Variants in ROBO2 observed in about 807,000 individuals in gnomAD.
The protein encoded by ROBO2 is roundabout guidance receptor 2, also known as roundabout homolog 2.
In ROBO2, 53 loss-of-function variants were observed where a neutral mutation model predicts 160.8. That is an observed-to-expected ratio of 0.33 (90% CI 0.26 to 0.41). The LOEUF (loss-of-function observed/expected upper bound fraction) is 0.41, where lower values mean the gene tolerates loss of function less well. Ranked by LOEUF, ROBO2 falls within the 10% of genes least tolerant of loss-of-function variation. The probability of loss-of-function intolerance (pLI) is 1.00; values close to 1 mark genes in which losing one functional copy is unlikely to be tolerated. For synonymous variants in ROBO2, 664 were observed against 611.7 expected (o/e 1.09, Z -1.26); for missense variants, 1,577 against 1,722.4 (o/e 0.92, Z 1.49).
rs192975820 is a variant in ROBO2, at chr3:77,034,256, T to G, written c.110-63758T>G. Among the ~76,000 whole-genome samples the G allele has an allele frequency of 4.7e-3, 718 of 151,892 alleles. 1 individual carries two copies. The highest frequency in any genetic ancestry group is 0.01 in the Middle Eastern group (3 of 294). On this transcript the variant is annotated intron_variant, in intron 2 of 26. Coordinates refer to the ROBO2 transcript ENST00000487694. ...TTGGGCCAGGGAGATTTTTTTCATT[T>G]ATTTCACTTTGTCACTTACGGATGA... is the stretch of plus-strand genomic sequence containing the variant.
At chr3:77,430,688 G>A (rs1243842812) in intron 2 of ROBO2, among the ~76,000 whole-genome samples, 1 of 152,042 alleles carries the variant, frequency 6.6e-6, no homozygotes, top group Non-Finnish European at 1.5e-5. Context: ...GGGGAACCAT[G>A]CCCTCACCAG....
chr3:77,558,705 A>G (rs1317277079), intron 9 of ROBO2, among the ~76,000 whole-genome samples: 4 of 152,088 alleles, frequency 2.6e-5, no homozygotes, highest in Non-Finnish European at 4.4e-5. Context: ...CGTTTACATG[A>G]TAAAAAATGA....
chr3:77,518,246 A>G (rs2090226931), intron 5 of ROBO2, among the ~76,000 whole-genome samples: 1 of 151,514 alleles, frequency 6.6e-6, no homozygotes, highest in Non-Finnish European at 1.5e-5. Context: ...TGCAGACAGG[A>G]TTCAAGTGTT....
chr3:77,416,199 T>C lies in ROBO2; in HGVS notation c.389-61215T>C, dbSNP rs1011678703. ...GAGGGCCCGAAAGTGGGTATCCCAA[T>C]GTGTGCCTGAGTCTGGGGTTTTTAT... is the stretch of plus-strand genomic sequence containing the variant. On this transcript the variant is annotated intron_variant, in intron 2 of 25. Transcript: ENST00000461745. Among the ~76,000 whole-genome samples, 4 of 152,146 alleles carry C rather than the reference T, an allele frequency of 2.6e-5. No individual in the cohort carries two copies. The East Asian group carries it at 7.7e-4, about 29-fold the overall frequency.
chr3:76,364,535 T>C (rs1320593041), intron 2 of ROBO2, among the ~76,000 whole-genome samples: 1 of 152,060 alleles, frequency 6.6e-6, no homozygotes, highest in Admixed American at 6.6e-5. Context: ...AATCCTTTCT[T>C]CATCTCACAT....
chr3:77,373,309 G>A (rs2072093718), intron 2 of ROBO2, among the ~76,000 whole-genome samples: 1 of 151,130 alleles, frequency 6.6e-6, no homozygotes, highest in Non-Finnish European at 1.5e-5. Flanking sequence ...TTTTCTCGTG[G>A]TATTCCATTT....
chr3:77,307,211 G>C (rs1029580452), intron 2 of ROBO2, among the ~76,000 whole-genome samples: 3 of 152,174 alleles, frequency 2.0e-5, no homozygotes, highest in African/African-American at 7.2e-5. Flanking sequence ...GTATGAAAAA[G>C]ATAGGGAGGT....
chr3:77,183,764 T>G (rs2081024120), intron 2 of ROBO2, among the ~76,000 whole-genome samples: 2 of 152,066 alleles, frequency 1.3e-5, no homozygotes, highest in Non-Finnish European at 1.5e-5. Context: ...CAACTGGAGT[T>G]TCTTAATCAC....
chr3:77,148,905 A>G (rs1384441195), intron 2 of ROBO2, among the ~76,000 whole-genome samples: 1 of 152,240 alleles, frequency 6.6e-6, no homozygotes, highest in Non-Finnish European at 1.5e-5. Context: ...AGATTTTTAA[A>G]AGAATGTTTG....
intron 2 of ROBO2, among the ~76,000 whole-genome samples, chr3:76,922,413 G>A (rs1162532421): frequency 6.6e-6 from 1 of 152,214 alleles, no homozygotes; most frequent in African/African-American, 2.4e-5. Context: ...AAGGCTTCGA[G>A]AGCATGAGGA....
intron 2 of ROBO2, among the ~76,000 whole-genome samples, chr3:77,413,120 C>T (rs561427911): frequency 3.3e-5 from 5 of 151,800 alleles, no homozygotes; most frequent in Admixed American, 1.3e-4. Flanking sequence ...CCTGGGGATT[C>T]TGAAAGGAAC....
At chr3:76,998,478 A>C (rs1374366718) in intron 2 of ROBO2, among the ~76,000 whole-genome samples, 1 of 152,156 alleles carries the variant, frequency 6.6e-6, no homozygotes, top group Admixed American at 6.5e-5. Flanking sequence ...ATTTCAAGAA[A>C]CTTCCACATA....
chr3:76,249,445 A>G (rs761112156), intron 2 of ROBO2, among the ~76,000 whole-genome samples: 1 of 151,086 alleles, frequency 6.6e-6, no homozygotes, highest in Non-Finnish European at 1.5e-5. Context: ...TAACTCAACT[A>G]TTTACCCAGG....
At chr3:76,067,664 C>T (rs974734761) in intron 2 of ROBO2, among the ~76,000 whole-genome samples, 7 of 152,066 alleles carry the variant, frequency 4.6e-5, no homozygotes, top group Non-Finnish European at 7.4e-5. Context: ...CTTCCAATTA[C>T]GAAGTAGGAA....
chr3:77,316,739 G>T, intron 2 of ROBO2: 1 of 933,896 alleles, frequency 1.1e-6, no homozygotes, highest in Non-Finnish European at 1.8e-6. Context: ...TTAAACAATT[G>T]TATGGTATTC....
intron 2 of ROBO2, among the ~76,000 whole-genome samples, chr3:77,328,826 T>A (rs971727762): frequency 6.6e-6 from 1 of 152,208 alleles, no homozygotes; most frequent in African/African-American, 2.4e-5. Context: ...TATCCCCACA[T>A]TCTCCAAAAA....
At chr3:76,662,881 T>A (rs28433064) in intron 2 of ROBO2, among the ~76,000 whole-genome samples, 4,708 of 152,182 alleles carry the variant, frequency 0.031, 231 homozygotes, top group African/African-American at 0.1. Flanking sequence ...ACATGGAGTG[T>A]CCTTCACCAG....
chr3:77,459,534 T>C lies in ROBO2; in HGVS notation c.389-17880T>C, dbSNP rs536999776. 3.3e-5 allele frequency among the ~76,000 whole-genome samples: 5 copies of C among 152,330 alleles called. 1 individual carries two copies. The highest frequency in any genetic ancestry group is 1.9e-4 in the East Asian group (1 of 5,182). ...CTTTGTGGAGCTAGCTTACATTTTA[T>C]TAAAAGCAGATAGATAACGAACACA... On this transcript the variant is annotated intron_variant, in intron 2 of 25. Transcript: ENST00000461745.
intron 2 of ROBO2, among the ~76,000 whole-genome samples, chr3:76,995,145 T>C (rs2149390199): frequency 8.4e-6 from 1 of 119,234 alleles, no homozygotes; most frequent in Non-Finnish European, 1.6e-5. Context: ...TCCCCCTTCC[T>C]GTGTCCAAGT....
Sources: gnomAD v4.1 joint callset for allele counts (sites outside exome capture counted in the v4.1 genomes callset) on GRCh38, gnomAD v4.1.1 for gene constraint, MANE v1.5 for transcripts, NCBI Gene and HGNC (gene_info 2026-07-23, HGNC 2026-07-21) for gene names.